Variants in UNKL observed in about 807,000 individuals in gnomAD.
UNKL encodes unk like zinc finger.
In UNKL, 60 loss-of-function variants were observed where a neutral mutation model predicts 78.0. That is an observed-to-expected ratio of 0.77 (90% confidence interval 0.63 to 0.95). The LOEUF (loss-of-function observed/expected upper bound fraction) is 0.95, where lower values mean the gene tolerates loss of function less well. UNKL is among the 40% of genes least tolerant of loss of function. The pLI, the probability that UNKL is intolerant of heterozygous loss-of-function variation, is 0.00. For missense variants in UNKL, 1,159 were observed against 1,045.7 expected, an observed-to-expected ratio of 1.11 and a Z score of -1.49; for synonymous variants, 608 against 474.8, an observed-to-expected ratio of 1.28 and a Z score of -3.65.
At chr16:1,378,473 G>C (rs933008315) in intron 10 of UNKL, among the ~76,000 whole-genome samples, 1 of 152,224 alleles carries the variant, frequency 6.6e-6, no homozygotes, top group Non-Finnish European at 1.5e-5. Context: ...TGGGGGACAG[G>C]AACGGAGGCG....
chr16:1,390,960 G>A (rs2037021665), intron 8 of UNKL, among the ~76,000 whole-genome samples: 1 of 152,148 alleles, frequency 6.6e-6, no homozygotes, highest in Non-Finnish European at 1.5e-5. Context: ...AACCCAGGAG[G>A]TGGAGGTTGC....
At chr16:1,381,508 T>C (rs1009689730) in intron 10 of UNKL, among the ~76,000 whole-genome samples, 5 of 152,060 alleles carry the variant, frequency 3.3e-5, no homozygotes, top group Admixed American at 3.3e-4. Flanking sequence ...TAATCCCAGC[T>C]ACTCCGGAGG....
intron 6 of UNKL, 55 bp from the exon 7 acceptor site, chr16:1,394,270 G>C: frequency 6.5e-7 from 1 of 1,527,422 alleles, no homozygotes; most frequent in Non-Finnish European, 8.9e-7. Flanking sequence ...TCTGTGGAAA[G>C]ACCACAGCTG....
rs552297540 is a variant in UNKL at position 1,398,237 on chromosome 16, A to G, written c.735-942T>C. The G allele has an allele frequency of 1.3e-5, 12 of 918,144 alleles. No individual in the cohort carries two copies. In the East Asian group the frequency reaches 9.4e-4, roughly 72 times the overall value. The allele number at this position is 918,144 out of a possible 1,614,324, so 56.9% of individuals were successfully genotyped here. On this transcript the variant is annotated intron_variant, in intron 5 of 14. Transcript: ENST00000389221. ...TACTGCAGTGAGCTGAGACTGCACC[A>G]CCGCACTCCAGCCTGGGCCACAGAG... is the stretch of plus-strand genomic sequence containing the variant.
At chr16:1,398,783 G>A (rs1451372173) in intron 5 of UNKL, 11 of 1,538,736 alleles carry the variant, frequency 7.1e-6, no homozygotes, top group Non-Finnish European at 9.6e-6. Context: ...AGGGGCTTCA[G>A]AGGCAAGCAG....
At chr16:1,394,265 G>A in intron 6 of UNKL, 50 bp from the exon 7 acceptor site, 2 of 1,536,822 alleles carry the variant, frequency 1.3e-6, no homozygotes, top group Non-Finnish European at 1.8e-6. Flanking sequence ...GGGATTCTGT[G>A]GAAAGACCAC....
chr16:1,385,639 G>A (rs1294134245), intron 9 of UNKL, among the ~76,000 whole-genome samples: 2 of 152,228 alleles, frequency 1.3e-5, no homozygotes. Flanking sequence ...CTTTTCTGCA[G>A]AAAACGTTTC....
chr16:1,393,687 G>A (rs1287759593), intron 7 of UNKL, among the ~76,000 whole-genome samples: 1 of 152,210 alleles, frequency 6.6e-6, no homozygotes, highest in Non-Finnish European at 1.5e-5. Flanking sequence ...CCCGAGCTGG[G>A]GCGGACAGAC....
chr16:1,398,742 C>T, intron 5 of UNKL: 1 of 1,482,974 alleles, frequency 6.7e-7, no homozygotes, highest in Non-Finnish European at 9.0e-7. Flanking sequence ...CCAGGCACAA[C>T]CAGAAGGCCG....
chr16:1,401,740 G>A (rs775093095), intron 3 of UNKL, 39 bp from the exon 4 acceptor site: 2 of 1,580,868 alleles, frequency 1.3e-6, no homozygotes, highest in Admixed American at 1.7e-5. Context: ...CTCTGCATCT[G>A]GAGCCTCCAA....
chr16:1,390,532 C>A, intron 9 of UNKL, 100 bp downstream of exon 9: 1 of 1,297,280 alleles, frequency 7.7e-7, no homozygotes, highest in South Asian at 1.4e-5. Flanking sequence ...GATGCATGAG[C>A]GCTGCCCTAA....
rs1443189864 is a variant in UNKL, at chr16:1,399,018, C to G, written c.734+356G>C. On this transcript the variant is annotated intron_variant, in intron 5 of 14. Coordinates refer to ENST00000389221, the MANE Select transcript of UNKL (RefSeq NM_001372107.1). The surrounding 1 kb of genome is among the most constrained non-coding windows in gnomAD (Gnocchi z 5.8). Reference sequence around the variant, plus strand: ...GCTTGGGTGAGGAGACAGCATGCAGCCCACAGGCTGGAGAGCGTGGCTGCA... The same window carrying G: ...GCTTGGGTGAGGAGACAGCATGCAGGCCACAGGCTGGAGAGCGTGGCTGCA... The G allele has an allele frequency of 6.9e-7, 1 of 1,452,110 alleles. No individual in the cohort carries two copies. The highest frequency in any genetic ancestry group is 2.5e-5 in the East Asian group (1 of 39,780). The allele number at this position is 1,452,110 out of a possible 1,614,324, so 90.0% of individuals were successfully genotyped here. A position where few individuals can be genotyped will look rare whatever the true frequency, so the allele number is the denominator to read the frequency against.
At chr16:1,381,697 G>C (rs182641634) in intron 10 of UNKL, among the ~76,000 whole-genome samples, 4 of 152,314 alleles carry the variant, frequency 2.6e-5, no homozygotes, top group Admixed American at 2.0e-4. Context: ...GTTTCTGAAG[G>C]GGATGTGTGA....
chr16:1,371,980 G>A (rs2035879207), intron 10 of UNKL, among the ~76,000 whole-genome samples: 1 of 152,184 alleles, frequency 6.6e-6, no homozygotes, highest in Non-Finnish European at 1.5e-5. Context: ...TCCAGGGCCG[G>A]GTGCGGTGGC....
At chr16:1,408,194 A>G (rs769948168) in intron 2 of UNKL, among the ~76,000 whole-genome samples, 80 of 152,274 alleles carry the variant, frequency 5.3e-4, no homozygotes, top group Admixed American at 1.1e-3. Flanking sequence ...CTGTTTAAAG[A>G]GAAAAGCAAG....
intron 2 of UNKL, among the ~76,000 whole-genome samples, chr16:1,407,613 T>A (rs544163264): frequency 6.6e-6 from 1 of 151,548 alleles, no homozygotes; most frequent in African/African-American, 2.4e-5. Flanking sequence ...GGAGGATCAC[T>A]TGAGCTCAGG....
chr16:1,391,512 G>T (rs935396982), intron 8 of UNKL, among the ~76,000 whole-genome samples: 1 of 152,026 alleles, frequency 6.6e-6, no homozygotes, highest in Non-Finnish European at 1.5e-5. Context: ...TTGCCTAGGC[G>T]GGTCTCGAAC....
chr16:1,405,094 T>G (rs2037690615), intron 2 of UNKL, among the ~76,000 whole-genome samples: 1 of 150,672 alleles, frequency 6.6e-6, no homozygotes, highest in Non-Finnish European at 1.5e-5. Flanking sequence ...CTTGGGAGGC[T>G]GAGGAGGGAG....
chr16:1,394,595 C>T (rs1450476009), intron 6 of UNKL: 1 of 443,634 alleles, frequency 2.3e-6, no homozygotes, highest in Non-Finnish European at 4.5e-6. Flanking sequence ...GACCCACTGA[C>T]CCTTCACCTA....
Sources: allele counts gnomAD v4.1 joint callset (sites outside exome capture counted in the v4.1 genomes callset), GRCh38; gene constraint gnomAD v4.1.1; non-coding constraint Gnocchi (gnomAD v3.1); transcripts MANE v1.5; gene names NCBI Gene and HGNC (gene_info 2026-07-23, HGNC 2026-07-21).